SGSM1: variants seen among roughly 807,000 people sequenced by gnomAD.
The protein encoded by SGSM1 is RUN and TBC1 domain containing 2.
A neutral mutation model predicts 133.8 loss-of-function variants in SGSM1; 73 were observed. The observed-to-expected ratio is 0.55, with a 90% CI of 0.45 to 0.66. SGSM1 has a LOEUF of 0.66. Ranked by LOEUF, SGSM1 falls within the 30% of genes least tolerant of loss-of-function variation. The probability of loss-of-function intolerance (pLI) is 0.00; values close to 1 mark genes in which losing one functional copy is unlikely to be tolerated. For synonymous variants in SGSM1, 563 were observed against 573.0 expected (o/e 0.98, Z 0.25); for missense variants, 1,213 against 1,448.1 (o/e 0.84, Z 2.64).
At chr22:24,891,604 A>G (rs1310018853) in intron 16 of SGSM1, among the ~76,000 whole-genome samples, 2 of 152,168 alleles carry the variant, frequency 1.3e-5, no homozygotes, top group Non-Finnish European at 2.9e-5. Context: ...GGAGTCAGTA[A>G]CTGACAACTC....
At chr22:24,915,591 G>A (rs1461607048) in intron 22 of SGSM1, among the ~76,000 whole-genome samples, 1 of 151,974 alleles carries the variant, frequency 6.6e-6, no homozygotes, top group African/African-American at 2.4e-5. Flanking sequence ...ATATATATGT[G>A]GAGTACATGA....
At chr22:24,842,381 G>A (rs936220351) in intron 2 of SGSM1, among the ~76,000 whole-genome samples, 2 of 152,070 alleles carry the variant, frequency 1.3e-5, no homozygotes, top group African/African-American at 4.8e-5. Context: ...GACAAATAGG[G>A]ATAATAATGT....
intron 13 of SGSM1, among the ~76,000 whole-genome samples, chr22:24,877,806 T>C (rs796600461): frequency 4.2e-4 from 50 of 119,570 alleles, no homozygotes; most frequent in Middle Eastern, 4.1e-3. Context: ...TTCTTTCTTT[T>C]TTTTTTTTTT....
intron 21 of SGSM1, among the ~76,000 whole-genome samples, chr22:24,907,706 C>G (rs1030381401): frequency 6.6e-6 from 1 of 151,740 alleles, no homozygotes; most frequent in African/African-American, 2.4e-5. Flanking sequence ...GGGCAGATCA[C>G]GAGGTCAGGA....
At chr22:24,849,533 CAA>C (rs1016766766) in intron 4 of SGSM1, among the ~76,000 whole-genome samples, 6 of 152,132 alleles carry the variant, frequency 3.9e-5, no homozygotes, top group African/African-American at 1.4e-4. Flanking sequence ...GCCTGGGCAA[CAA>C]GAGTGAAACT....
rs148867638 is a variant in SGSM1 at position 24,819,808 on chromosome 22, T to G, written c.63+13324T>G. ...GTCAGATGGAGGTGGTTAGTCCTTA[T>G]CTAGAAAGGTGATAAGTGCTTTCTG... On this transcript the variant is annotated intron_variant, in intron 2 of 24. Coordinates refer to ENST00000400358, the MANE Select transcript of SGSM1 (RefSeq NM_001098497.3). Among the ~76,000 whole-genome samples the G allele has an allele frequency of 2.1e-3, 316 of 152,346 alleles. 2 individuals carry two copies. Among genetic ancestry groups the G allele is most frequent in the African/African-American group, 7.3e-3 (304 of 41,568 alleles).
chr22:24,866,234 G>A (rs888506750), intron 9 of SGSM1, among the ~76,000 whole-genome samples: 1 of 152,212 alleles, frequency 6.6e-6, no homozygotes, highest in African/African-American at 2.4e-5. Context: ...TATCAGCTCT[G>A]TGTTGAGCCC....
Position 24,895,301 on chromosome 22 carries a change from T to C in SGSM1, c.2022+10T>C, listed in dbSNP as rs1163984064. 1 of 1,608,324 alleles carries C rather than the reference T, an allele frequency of 6.2e-7. No individual in the cohort carries two copies. Among genetic ancestry groups the C allele is most frequent in the Admixed American group, 1.7e-5 (1 of 59,282 alleles). On this transcript the variant is annotated intron_variant, in intron 18 of 24. Transcript: ENST00000400358. ...CAGCAGCAGCACACAGGTGACCTTG[T>C]GGAGGCCTCGCCCCCTCCCACCCAC... is the stretch of plus-strand genomic sequence containing the variant.
intron 5 of SGSM1, 105 bp downstream of exon 5, chr22:24,850,537 A>G: frequency 2.1e-6 from 3 of 1,458,822 alleles, no homozygotes; most frequent in Non-Finnish European, 2.7e-6. Context: ...TCCCCTTGAC[A>G]GCCACTAAAT....
Position 24,855,535 on chromosome 22 carries a change from T to C in SGSM1, c.670-14T>C. 1 of 1,613,708 alleles carries C rather than the reference T, an allele frequency of 6.2e-7. No individual in the cohort carries two copies. The highest frequency in any genetic ancestry group is 2.2e-5 in the East Asian group (1 of 44,854). ...CCAGGCCTCATCCCTCTGTCTCCCG[T>C]CACTCTCTACCAGATCCAGAAGAGG... On this transcript the variant is annotated splice_polypyrimidine_tract_variant and intron_variant, in intron 7 of 24. Coordinates refer to ENST00000400358, the MANE Select transcript of SGSM1 (RefSeq NM_001098497.3).
chr22:24,845,959 T>TTCTTTCTC (rs1930101675), intron 3 of SGSM1, among the ~76,000 whole-genome samples: 3 of 104,960 alleles, frequency 2.9e-5, no homozygotes, highest in African/African-American at 1.0e-4. Context: ...CTTTCTTTCT[T>TTCTTTCTC]TCTTTCTTTC....
In SGSM1 at chr22:24,844,838, T is replaced by C. The variant is rs573123473; in HGVS notation, c.64-59T>C. On this transcript the variant is annotated intron_variant, in intron 2 of 24. Transcript: ENST00000400358. ...CAATGCAGCCCTTTTGGGGCACCTA[T>C]ACCCAGGTCACCTTGGTCACCTTGG... 296 of 1,559,348 alleles carry C rather than the reference T, an allele frequency of 1.9e-4. No individual in the cohort carries two copies. In the South Asian group the frequency reaches 2.9e-3, roughly 15 times the overall value.
At chr22:24,854,924 G>T in intron 5 of SGSM1, 72 bp from the exon 6 acceptor site, 1 of 1,260,864 alleles carries the variant, frequency 7.9e-7, no homozygotes, top group Non-Finnish European at 1.1e-6. Flanking sequence ...ACTGGGGATT[G>T]AACTCTCATC....
At chr22:24,850,711 C>G (rs137859039) in intron 5 of SGSM1, among the ~76,000 whole-genome samples, 2 of 152,346 alleles carry the variant, frequency 1.3e-5, no homozygotes, top group East Asian at 3.9e-4. Context: ...CTTAGCCTCT[C>G]TGTGCCCGTT....
At chr22:24,892,346 A>G (rs980078639) in intron 16 of SGSM1, among the ~76,000 whole-genome samples, 2 of 152,070 alleles carry the variant, frequency 1.3e-5, no homozygotes, top group African/African-American at 2.4e-5. Context: ...AGATCAGCCA[A>G]TCCGTCCCCG....
intron 24 of SGSM1, 45 bp from the exon 25 acceptor site, chr22:24,924,141 G>A (rs777215023): frequency 6.3e-7 from 1 of 1,577,330 alleles, no homozygotes; most frequent in Non-Finnish European, 8.7e-7. Flanking sequence ...CCCTAAGACT[G>A]GACACAGAAG....
chr22:24,904,056 C>T (rs1933271852), intron 20 of SGSM1, among the ~76,000 whole-genome samples: 1 of 151,530 alleles, frequency 6.6e-6, no homozygotes, highest in Non-Finnish European at 1.5e-5. Flanking sequence ...ATCATATATC[C>T]TTGAGTAAGG....
rs750176636 is a variant in SGSM1 at position 24,884,133 on chromosome 22, T to C, written c.1576T>C (p.Leu526=). The C allele has an allele frequency of 6.2e-7, 1 of 1,613,914 alleles. No individual in the cohort carries two copies. The highest frequency in any genetic ancestry group is 2.2e-5 in the East Asian group (1 of 44,880). ...LVNHMIVSPD[L]PCDAGQGLTA... ...CAATCACATGATCGTGTCTCCAGACTTGCCCTGCGATGCTGGACAGGGACT... is the reference window on the plus strand; with the variant it reads ...CAATCACATGATCGTGTCTCCAGACCTGCCCTGCGATGCTGGACAGGGACT... Residue 526 remains leucine, a synonymous_variant, in exon 15 of 25, where the codon TTG becomes CTG. Transcript: ENST00000400358.
intron 15 of SGSM1, among the ~76,000 whole-genome samples, chr22:24,885,091 G>GGCATGTGCCACCA (rs139717): frequency 2.6e-5 from 4 of 151,940 alleles, no homozygotes; most frequent in South Asian, 2.1e-4. Context: ...TGGGATTACA[G>GGCATGTGCCACCA]TGCCTGGCCA....
Sources: gnomAD v4.1 joint callset for allele counts (sites outside exome capture counted in the v4.1 genomes callset) on GRCh38, gnomAD v4.1.1 for gene constraint, MANE v1.5 for transcripts, NCBI Gene and HGNC (gene_info 2026-07-23, HGNC 2026-07-21) for gene names.